EPB41L2: variants seen among roughly 807,000 people sequenced by gnomAD.
EPB41L2 encodes the protein erythrocyte membrane protein band 4.1 like 2.
EPB41L2 carries 43 observed loss-of-function variants against 113.0 expected under a neutral mutation model. That is an observed-to-expected ratio of 0.38 (90% CI 0.30 to 0.49). The LOEUF is 0.49. Among genes scored for constraint, EPB41L2 ranks in the 20% least tolerant of loss-of-function variants. The pLI is 0.95. For missense variants in EPB41L2, 1,147 were observed against 1,223.4 expected, an observed-to-expected ratio of 0.94 and a Z score of 0.93; for synonymous variants, 442 against 436.7, an observed-to-expected ratio of 1.01 and a Z score of -0.15.
intron 3 of EPB41L2, among the ~76,000 whole-genome samples, chr6:130,936,710 A>T (rs1328601653): frequency 6.6e-6 from 1 of 152,220 alleles, no homozygotes; most frequent in Non-Finnish European, 1.5e-5. Context: ...AAAATATAAT[A>T]ACAATTAGAG....
chr6:130,994,556 T>C (rs1040703284), intron 1 of EPB41L2, among the ~76,000 whole-genome samples: 10 of 152,204 alleles, frequency 6.6e-5, no homozygotes, highest in Non-Finnish European at 1.3e-4. Context: ...AACTGGACTT[T>C]GCATGGTCTG....
intron 19 of EPB41L2, among the ~76,000 whole-genome samples, chr6:130,852,662 A>G (rs1217279379): frequency 6.6e-6 from 1 of 152,204 alleles, no homozygotes; most frequent in Non-Finnish European, 1.5e-5. Context: ...AGTCACAAAG[A>G]AGGTAAGTTA....
chr6:131,043,145 A>G (rs1794766205), intron 1 of EPB41L2, among the ~76,000 whole-genome samples: 1 of 152,040 alleles, frequency 6.6e-6, no homozygotes, highest in Non-Finnish European at 1.5e-5. Flanking sequence ...CTAAGAATAC[A>G]AAAAAATTAG....
At position 130,880,159 on chromosome 6, in the gene EPB41L2, GC is replaced by G; in HGVS notation, c.1880del (p.Ser627ThrfsTer3). The G allele has an allele frequency of 1.9e-6, 3 of 1,607,742 alleles. No individual in the cohort carries two copies. The highest frequency in any genetic ancestry group is 2.6e-6 in the Non-Finnish European group (3 of 1,174,346). On this transcript the variant is annotated frameshift_variant, in exon 13 of 20. Coordinates refer to ENST00000337057, the MANE Select transcript of EPB41L2 (RefSeq NM_001431.4). LOFTEE classifies it high-confidence loss of function. ...TTATACAAACCTCCAACATTAAATT[GC>G]TATGTCTGACATAAATATTATCCCC... ...VEGDNIYVRH[S>X]NLMLEELDKA... is the part of the protein sequence containing the mutation.
intron 14 of EPB41L2, among the ~76,000 whole-genome samples, chr6:130,873,241 A>T (rs1430366538): frequency 6.6e-6 from 1 of 152,196 alleles, no homozygotes; most frequent in Non-Finnish European, 1.5e-5. Flanking sequence ...ACAAACTCAG[A>T]GTTGAAAGCT....
chr6:130,923,337 A>C (rs1803505996), intron 4 of EPB41L2, among the ~76,000 whole-genome samples: 1 of 152,214 alleles, frequency 6.6e-6, no homozygotes, highest in Non-Finnish European at 1.5e-5. Flanking sequence ...TCCTTGCTTC[A>C]GCCTATCAAT....
At chr6:130,861,185 G>T (rs1470902314) in intron 18 of EPB41L2, among the ~76,000 whole-genome samples, 2 of 151,902 alleles carry the variant, frequency 1.3e-5, no homozygotes, top group Non-Finnish European at 2.9e-5. Context: ...CCATTCTCCT[G>T]CCTCAGCCTC....
chr6:131,008,177 C>T (rs1562720311), intron 1 of EPB41L2, among the ~76,000 whole-genome samples: 1 of 152,244 alleles, frequency 6.6e-6, no homozygotes, highest in East Asian at 1.9e-4. Flanking sequence ...CCCAGGGTCC[C>T]CTGCTCTGTG....
At chr6:130,965,644 CAAAAA>C (rs35081059) in intron 1 of EPB41L2, among the ~76,000 whole-genome samples, 7 of 127,894 alleles carry the variant, frequency 5.5e-5, no homozygotes, top group African/African-American at 9.1e-5. Flanking sequence ...AAACAGTTAT[CAAAAA>C]AAAAAAAAAA....
intron 14 of EPB41L2, chr6:130,876,779 T>C (rs1053583879): frequency 1.2e-5 from 16 of 1,301,186 alleles, no homozygotes; most frequent in Admixed American, 2.3e-5. Flanking sequence ...CTTTTCTCTA[T>C]TGTTTTAAAC....
rs1477565190 is a variant in EPB41L2 at position 130,892,402 on chromosome 6, GCTTTTT to G, written c.1487+1936_1488-1937del. On this transcript the variant is annotated intron_variant, in intron 10 of 19. Transcript: ENST00000337057. Reference sequence around the variant, plus strand: ...ACTTGCCATTTCTGAACAGATTATTGCTTTTTTTTTTTTTTTTTTTATCATTATGTG... The same window carrying G: ...ACTTGCCATTTCTGAACAGATTATTGTTTTTTTTTTTTTTATCATTATGTG... Among the ~76,000 whole-genome samples the G allele has an allele frequency of 1.5e-4, 8 of 53,382 alleles. No individual in the cohort carries two copies. In the Admixed American group the frequency reaches 1.7e-3, roughly 11 times the overall value. The allele number at this position is 53,382 out of a possible 152,430, so 35.0% of individuals were successfully genotyped here.
chr6:131,007,485 AAG>A, intron 1 of EPB41L2, among the ~76,000 whole-genome samples: 1 of 152,306 alleles, frequency 6.6e-6, no homozygotes, highest in East Asian at 1.9e-4. Context: ...TGCCGCTGTA[AAG>A]ATAACCGAAA....
chr6:130,954,749 T>C (rs918468534), intron 3 of EPB41L2, among the ~76,000 whole-genome samples: 3 of 152,216 alleles, frequency 2.0e-5, no homozygotes, highest in African/African-American at 4.8e-5. Context: ...GATAAAACAC[T>C]TGGGGCTAAG....
At chr6:130,891,514 T>C (rs191110061) in intron 10 of EPB41L2, among the ~76,000 whole-genome samples, 23 of 152,294 alleles carry the variant, frequency 1.5e-4, no homozygotes. Flanking sequence ...AGTGTTGCAA[T>C]CTCGGCTCAC....
intron 19 of EPB41L2, among the ~76,000 whole-genome samples, chr6:130,844,539 C>A (rs1776416556): frequency 6.6e-6 from 1 of 152,072 alleles, no homozygotes; most frequent in African/African-American, 2.4e-5. Context: ...CCACTGTACT[C>A]CAGCCTGGCC....
chr6:130,927,350 T>C (rs569658244), intron 3 of EPB41L2, among the ~76,000 whole-genome samples: 2 of 152,214 alleles, frequency 1.3e-5, no homozygotes, highest in South Asian at 2.1e-4. Context: ...TATATATAAA[T>C]TTAAGAAGCT....
At chr6:130,960,711 C>A (rs1166021560) in intron 1 of EPB41L2, among the ~76,000 whole-genome samples, 2 of 152,196 alleles carry the variant, frequency 1.3e-5, no homozygotes, top group African/African-American at 4.8e-5. Flanking sequence ...AAAATGGCTT[C>A]TTGAACAAAT....
At chr6:131,002,425 G>T (rs550561850) in intron 1 of EPB41L2, among the ~76,000 whole-genome samples, 1 of 152,280 alleles carries the variant, frequency 6.6e-6, no homozygotes, top group East Asian at 1.9e-4. Flanking sequence ...CGCTAACACA[G>T]ACAACCTCAT....
chr6:131,006,110 G>A (rs897923546), intron 1 of EPB41L2, among the ~76,000 whole-genome samples: 15 of 151,950 alleles, frequency 9.9e-5, no homozygotes, highest in Admixed American at 1.3e-4. Flanking sequence ...ACGCTGAAGT[G>A]CACTGGCTCG....
Sources: allele counts gnomAD v4.1 joint callset (sites outside exome capture counted in the v4.1 genomes callset), GRCh38; gene constraint gnomAD v4.1.1; transcripts MANE v1.5; gene names NCBI Gene and HGNC (gene_info 2026-07-23, HGNC 2026-07-21).